Variants in HLCS observed in about 807,000 individuals in gnomAD.
HLCS encodes the protein biotin--protein ligase.
HLCS carries 53 observed loss-of-function variants against 75.0 expected under a neutral mutation model. That is an observed-to-expected ratio of 0.71 (90% CI 0.57 to 0.89). HLCS has a LOEUF of 0.89. Among genes scored for constraint, HLCS ranks in the 40% least tolerant of loss-of-function variants. The probability of loss-of-function intolerance (pLI) is 0.00; values close to 1 mark genes in which losing one functional copy is unlikely to be tolerated. For missense variants in HLCS, 966 were observed against 1,074.0 expected, an observed-to-expected ratio of 0.90 and a Z score of 1.41; for synonymous variants, 431 against 428.6, an observed-to-expected ratio of 1.01 and a Z score of -0.07.
chr21:36,873,737 C>T (rs766759724), intron 6 of HLCS, among the ~76,000 whole-genome samples: 3 of 152,088 alleles, frequency 2.0e-5, no homozygotes, highest in Middle Eastern at 3.2e-3. Context: ...GCAACTGGGA[C>T]CACAGGCATG....
chr21:36,823,069 C>G (rs987480772), intron 6 of HLCS, among the ~76,000 whole-genome samples: 3 of 152,180 alleles, frequency 2.0e-5, no homozygotes, highest in African/African-American at 7.2e-5. Context: ...TGACTAATAG[C>G]CTTTTTAAAT....
intron 6 of HLCS, among the ~76,000 whole-genome samples, chr21:36,795,868 T>C (rs2061011050): frequency 6.6e-6 from 1 of 152,178 alleles, no homozygotes; most frequent in African/African-American, 2.4e-5. Flanking sequence ...TAAATATTCA[T>C]TAAAAATTAA....
intron 5 of HLCS, among the ~76,000 whole-genome samples, chr21:36,917,102 AATTTTTT>A (rs966325337): frequency 3.3e-5 from 5 of 152,158 alleles, no homozygotes; most frequent in African/African-American, 1.2e-4. Flanking sequence ...CTTCAGTTCC[AATTTTTT>A]TTAACAAAAA....
At chr21:36,946,056 TG>T in intron 2 of HLCS, 1 of 965,780 alleles carries the variant, frequency 1.0e-6, no homozygotes, top group Middle Eastern at 5.3e-4. Context: ...ATAAAGTGCC[TG>T]GGCCACAAGG....
At chr21:36,756,128 C>T (rs540069521) in intron 10 of HLCS, among the ~76,000 whole-genome samples, 3 of 152,190 alleles carry the variant, frequency 2.0e-5, no homozygotes, top group African/African-American at 7.2e-5. Context: ...GACCAGTGCT[C>T]GGTCCCTCAT....
chr21:36,768,254 G>C (rs1438978975), intron 6 of HLCS, among the ~76,000 whole-genome samples: 1 of 152,190 alleles, frequency 6.6e-6, no homozygotes. Context: ...GGAGCAGCCA[G>C]GACAGGGATG....
At chr21:36,921,213 G>A (rs757347543) in intron 5 of HLCS, among the ~76,000 whole-genome samples, 3 of 152,190 alleles carry the variant, frequency 2.0e-5, no homozygotes, top group Non-Finnish European at 2.9e-5. Context: ...TTGGGGAGCC[G>A]AGGCAGGCGG....
intron 6 of HLCS, among the ~76,000 whole-genome samples, chr21:36,823,616 T>G (rs903709824): frequency 6.7e-6 from 1 of 149,396 alleles, no homozygotes; most frequent in East Asian, 2.0e-4. Flanking sequence ...GCAGGGTGTG[T>G]GTGTGTGTGT....
intron 4 of HLCS, among the ~76,000 whole-genome samples, chr21:36,931,443 C>T (rs577043309): frequency 1.3e-5 from 2 of 152,136 alleles, no homozygotes; most frequent in South Asian, 2.1e-4. Context: ...CAGCGTTATT[C>T]ATCATTTTAA....
Position 36,756,603 on chromosome 21 carries a change from CTT to C in HLCS, c.2387_2388del (p.Lys796ArgfsTer99), listed in dbSNP as rs2089606444. ...CTGTTGGGCCCTTTGTCCTGAAACT[CTT>C]TGATCAGTTTCTCCAGCACAGTCAC... ...RVVTVLEKLI[K>X]EFQDKGPNSV... On this transcript the variant is annotated frameshift_variant, in exon 10 of 11. Transcript: ENST00000674895. LOFTEE classifies it high-confidence loss of function. 1 of 1,613,946 alleles carries C rather than the reference CTT, an allele frequency of 6.2e-7. No individual in the cohort carries two copies. The highest frequency in any genetic ancestry group is 1.7e-5 in the Admixed American group (1 of 60,000).
intron 6 of HLCS, among the ~76,000 whole-genome samples, chr21:36,823,066 T>C (rs1055665220): frequency 2.6e-5 from 4 of 152,180 alleles, no homozygotes; most frequent in African/African-American, 9.7e-5. Flanking sequence ...CAATGACTAA[T>C]AGCCTTTTTA....
rs371015170 is a variant in HLCS, at chr21:36,750,975, A to G, written c.*3271T>C. The G allele has an allele frequency of 4.0e-5, 6 of 151,678 alleles. No homozygotes were observed. In the East Asian group the frequency reaches 9.7e-4, roughly 24 times the overall value. 9.4% of individuals were successfully genotyped at this position (151,678 alleles called of 1,614,324 possible). A position where few individuals can be genotyped will look rare whatever the true frequency, so the allele number is the denominator to read the frequency against. ...AACTTTCGTTCTTTGGAGTAATAAT[A>G]TTTCTCTTGTGTATGGCGCTGAATA... is the stretch of plus-strand genomic sequence containing the variant. On this transcript the variant is annotated 3_prime_UTR_variant, in exon 11 of 11. Coordinates refer to ENST00000674895, the MANE Select transcript of HLCS (RefSeq NM_001352514.2).
At chr21:36,844,873 G>A (rs891030205) in intron 6 of HLCS, among the ~76,000 whole-genome samples, 66 of 152,128 alleles carry the variant, frequency 4.3e-4, no homozygotes, top group African/African-American at 1.4e-3. Context: ...TGCTTTGGTG[G>A]GCAGCAGCAG....
At chr21:36,790,427 A>C (rs879305765) in intron 6 of HLCS, among the ~76,000 whole-genome samples, 8 of 151,722 alleles carry the variant, frequency 5.3e-5, no homozygotes, top group Non-Finnish European at 7.4e-5. Context: ...AACAAACAAA[A>C]AAACATTTTG....
chr21:36,848,986 C>T (rs1046486721), intron 6 of HLCS, among the ~76,000 whole-genome samples: 2 of 151,968 alleles, frequency 1.3e-5, no homozygotes, highest in East Asian at 3.8e-4. Flanking sequence ...ATGGAGATGG[C>T]GAAGAAATAA....
At chr21:36,985,117 G>T (rs1259501714) in intron 1 of HLCS, among the ~76,000 whole-genome samples, 1 of 152,154 alleles carries the variant, frequency 6.6e-6, no homozygotes, top group Non-Finnish European at 1.5e-5. Flanking sequence ...GCAATGATCA[G>T]ATGCAGAAAA....
At chr21:36,969,787 G>A (rs112977088), upstream of HLCS, among the ~76,000 whole-genome samples, 1,120 of 152,128 alleles carry the variant, frequency 7.4e-3, 15 homozygotes, top group African/African-American at 0.026. Flanking sequence ...TGGCCAGGCT[G>A]GTCTCAAACT....
rs1470778882 is a variant in HLCS, at chr21:36,754,019, G to A, written c.*227C>T. The A allele has an allele frequency of 1.5e-5, 9 of 587,222 alleles. No homozygotes were observed. Among genetic ancestry groups the A allele is most frequent in the Non-Finnish European group, 2.7e-5 (9 of 331,880 alleles). 36.4% of individuals were successfully genotyped at this position (587,222 alleles called of 1,614,324 possible). A position where few individuals can be genotyped will look rare whatever the true frequency, so the allele number is the denominator to read the frequency against. On this transcript the variant is annotated 3_prime_UTR_variant, in exon 11 of 11. Coordinates refer to ENST00000674895, the MANE Select transcript of HLCS (RefSeq NM_001352514.2). ...GGAGAGCAATTTCCCACCTGTGGGA[G>A]GGCTTTCCCTAAACTAAATTTTCTA...
At chr21:36,902,356 T>A (rs1483642732) in intron 5 of HLCS, among the ~76,000 whole-genome samples, 1 of 152,138 alleles carries the variant, frequency 6.6e-6, no homozygotes, top group African/African-American at 2.4e-5. Flanking sequence ...GGGTGGGACC[T>A]AGCACAGAAG....
Sources: allele counts gnomAD v4.1 joint callset (sites outside exome capture counted in the v4.1 genomes callset), GRCh38; gene constraint gnomAD v4.1.1; transcripts MANE v1.5; gene names NCBI Gene and HGNC (gene_info 2026-07-23, HGNC 2026-07-21).